The following MCF2L2 variants were observed in gnomAD, a reference collection of about 807,000 sequenced individuals.
MCF2L2 encodes the protein probable guanine nucleotide exchange factor MCF2L2.
Under a neutral mutation model 150.2 loss-of-function variants are expected in MCF2L2, and 102 were observed. That is an observed-to-expected ratio of 0.68 (90% confidence interval 0.58 to 0.80). The LOEUF (loss-of-function observed/expected upper bound fraction) is 0.80, where lower values mean the gene tolerates loss of function less well. MCF2L2 is among the 30% of genes least tolerant of loss of function. The probability of loss-of-function intolerance (pLI) is 0.00; values close to 1 mark genes in which losing one functional copy is unlikely to be tolerated. For synonymous variants in MCF2L2, 465 were observed against 491.3 expected (o/e 0.95, Z 0.71); for missense variants, 1,256 against 1,372.8 (o/e 0.91, Z 1.34).
intron 12 of MCF2L2, chr3:183,296,237 G>T (rs1400177329): frequency 6.6e-6 from 1 of 152,340 alleles, no homozygotes; most frequent in Non-Finnish European, 1.5e-5. Context: ...AACCCTGCTG[G>T]CTTCATGGAA....
At chr3:183,414,712 A>G (rs1305614310) in intron 1 of MCF2L2, among the ~76,000 whole-genome samples, 1 of 152,174 alleles carries the variant, frequency 6.6e-6, no homozygotes, top group Non-Finnish European at 1.5e-5. Flanking sequence ...TTTCCCTCTC[A>G]GCATTGCTCC....
At chr3:183,216,181 G>C in intron 21 of MCF2L2, 87 bp from the exon 22 acceptor site, 1 of 1,448,888 alleles carries the variant, frequency 6.9e-7, no homozygotes, top group Non-Finnish European at 9.5e-7. Flanking sequence ...GAGGAGCCAG[G>C]GATCCAGCCA....
chr3:183,191,133 C>A (rs1019814468), intron 27 of MCF2L2, among the ~76,000 whole-genome samples: 2 of 152,328 alleles, frequency 1.3e-5, no homozygotes, highest in African/African-American at 4.8e-5. Context: ...ACCTCGGCCT[C>A]CCAAAGTGCT....
Position 183,428,282 on chromosome 3 carries a change from C to A in MCF2L2, c.-305G>T. 2 of 333,440 alleles carry A rather than the reference C, an allele frequency of 6.0e-6. No individual in the cohort carries two copies. Among genetic ancestry groups the A allele is most frequent in the East Asian group, 7.9e-5 (1 of 12,732 alleles). 20.7% of individuals were successfully genotyped at this position (333,440 alleles called of 1,614,324 possible). ...TCGCCGGAACCGCGCCCCGGCTCCT[C>A]CGGCCGGGCGAGCTCCGGGGCTTCC... On this transcript the variant is annotated 5_prime_UTR_variant, in exon 1 of 30. Transcript: ENST00000328913. The surrounding 1 kb of genome is among the most constrained non-coding windows in gnomAD (Gnocchi z 5.1).
chr3:183,406,281 C>T (rs929998432), intron 1 of MCF2L2, among the ~76,000 whole-genome samples: 3 of 152,116 alleles, frequency 2.0e-5, no homozygotes, highest in Non-Finnish European at 4.4e-5. Flanking sequence ...GTCACTCTAA[C>T]AGGTACACAA....
At chr3:183,206,588 T>C (rs1722480528) in intron 23 of MCF2L2, among the ~76,000 whole-genome samples, 2 of 152,326 alleles carry the variant, frequency 1.3e-5, no homozygotes, top group East Asian at 1.9e-4. Flanking sequence ...CCAGGTATGG[T>C]GGCTCATGCC....
chr3:183,301,750 G>A (rs995737595), intron 10 of MCF2L2, among the ~76,000 whole-genome samples: 6 of 148,620 alleles, frequency 4.0e-5, no homozygotes, highest in Non-Finnish European at 7.4e-5. Context: ...AGCCAAGATC[G>A]TGCCACTGCA....
At chr3:183,327,296 A>G (rs1730089774) in intron 5 of MCF2L2, among the ~76,000 whole-genome samples, 1 of 152,094 alleles carries the variant, frequency 6.6e-6, no homozygotes, top group African/African-American at 2.4e-5. Context: ...CTGCACTCCA[A>G]CCTGGGTGAG....
intron 23 of MCF2L2, among the ~76,000 whole-genome samples, chr3:183,207,395 T>C (rs1386159499): frequency 1.3e-5 from 2 of 152,212 alleles, no homozygotes; most frequent in Non-Finnish European, 2.9e-5. Context: ...GTCTTTTTTC[T>C]CTAGTACAAA....
chr3:183,427,796 A>G, intron 1 of MCF2L2, 106 bp downstream of exon 1: 1 of 937,218 alleles, frequency 1.1e-6, no homozygotes, highest in South Asian at 1.4e-5. Context: ...CCCCCCAGGA[A>G]GCGCGCTGCC....
rs114399091 is a variant in MCF2L2 at position 183,303,610 on chromosome 3, C to T, written c.1114-3414G>A. Reference sequence around the variant, plus strand: ...GTCATTCACGAAGCCCCGCAGGGACCGTCGCCTTCTTAATGCCTTTCAAAT... The same window carrying T: ...GTCATTCACGAAGCCCCGCAGGGACTGTCGCCTTCTTAATGCCTTTCAAAT... On this transcript the variant is annotated intron_variant, in intron 10 of 29. Coordinates refer to ENST00000328913, the MANE Select transcript of MCF2L2 (RefSeq NM_015078.4). Among the ~76,000 whole-genome samples, 1,054 of 152,294 alleles carry T rather than the reference C, an allele frequency of 6.9e-3. 10 individuals carry two copies. Among genetic ancestry groups the T allele is most frequent in the African/African-American group, 0.024 (1,014 of 41,544 alleles).
At chr3:183,274,867 T>G (rs1009869469) in intron 15 of MCF2L2, among the ~76,000 whole-genome samples, 16 of 152,302 alleles carry the variant, frequency 1.1e-4, no homozygotes, top group African/African-American at 3.6e-4. Flanking sequence ...ACTCCAGACC[T>G]CAAAGACTCC....
intron 11 of MCF2L2, 23 bp from the exon 12 acceptor site, chr3:183,297,190 T>C (rs773130077): frequency 1.2e-6 from 2 of 1,606,802 alleles, no homozygotes; most frequent in East Asian, 2.2e-5. Context: ...AACAGTGCCC[T>C]GTGCACTTCG....
chr3:183,391,341 C>T (rs907592566), intron 1 of MCF2L2, among the ~76,000 whole-genome samples: 1 of 151,172 alleles, frequency 6.6e-6, no homozygotes, highest in African/African-American at 2.4e-5. Context: ...TCAATGAATT[C>T]CCCCATTGTT....
intron 15 of MCF2L2, among the ~76,000 whole-genome samples, chr3:183,241,175 G>A (rs955904866): frequency 2.6e-5 from 4 of 152,224 alleles, no homozygotes; most frequent in African/African-American, 9.6e-5. Context: ...GTTGAGTGAA[G>A]TTTAAGCAGA....
intron 18 of MCF2L2, chr3:183,225,567 G>A (rs931873652): frequency 6.6e-6 from 1 of 152,250 alleles, no homozygotes; most frequent in African/African-American, 2.4e-5. Flanking sequence ...GATTAAGACT[G>A]CGGGGCTCTG....
chr3:183,387,856 T>C (rs1037051155), intron 2 of MCF2L2, among the ~76,000 whole-genome samples: 9 of 140,148 alleles, frequency 6.4e-5, no homozygotes, highest in African/African-American at 2.5e-4. Flanking sequence ...CACTCGAACC[T>C]GGGAGGTGGA....
At chr3:183,328,679 C>T (rs1730149282) in intron 5 of MCF2L2, among the ~76,000 whole-genome samples, 1 of 152,180 alleles carries the variant, frequency 6.6e-6, no homozygotes, top group Non-Finnish European at 1.5e-5. Context: ...AGCTGATAAG[C>T]TGGACTTCAT....
intron 2 of MCF2L2, 115 bp from the exon 3 acceptor site, chr3:183,379,526 A>T (rs1432218869): frequency 2.9e-6 from 2 of 690,840 alleles, no homozygotes; most frequent in South Asian, 3.5e-5. Context: ...ATTATCTCAG[A>T]CTAGAATTTG....
Sources: gnomAD v4.1 joint callset for allele counts (sites outside exome capture counted in the v4.1 genomes callset) on GRCh38, gnomAD v4.1.1 for gene constraint, Gnocchi (gnomAD v3.1) non-coding constraint, MANE v1.5 for transcripts, NCBI Gene and HGNC (gene_info 2026-07-23, HGNC 2026-07-21) for gene names.